The following NT5DC3 variants were observed in gnomAD, a reference collection of about 807,000 sequenced individuals.
The protein encoded by NT5DC3 is 5'-nucleotidase domain-containing protein 3.
NT5DC3 carries 42 observed loss-of-function variants against 67.8 expected under a neutral mutation model. That is an observed-to-expected ratio of 0.62 (90% CI 0.48 to 0.80). NT5DC3 has a LOEUF of 0.80. Among genes scored for constraint, NT5DC3 ranks in the 30% least tolerant of loss-of-function variants. The pLI is 0.00. For missense variants in NT5DC3, 570 were observed against 696.4 expected (o/e 0.82, Z 2.04); for synonymous variants, 237 against 255.6 (o/e 0.93, Z 0.69).
At position 103,773,857 on chromosome 12, in the gene NT5DC3, T is replaced by C. The variant is rs1447687126; in HGVS notation, c.*3972A>G. On this transcript the variant is annotated 3_prime_UTR_variant, in exon 14 of 14. Transcript: ENST00000392876. ...CACAAGACTACTTTTCAATTCTCCT[T>C]TGCAATAATTAAGAGTGCCAATGCA... 1 of 152,662 alleles carries C rather than the reference T, an allele frequency of 6.6e-6. No individual in the cohort carries two copies. Among genetic ancestry groups the C allele is most frequent in the Non-Finnish European group, 1.5e-5 (1 of 68,048 alleles). The allele number at this position is 152,662 out of a possible 1,614,324, so 9.5% of individuals were successfully genotyped here.
chr12:103,797,298 C>T (rs1475761769), intron 5 of NT5DC3, among the ~76,000 whole-genome samples: 1 of 151,948 alleles, frequency 6.6e-6, no homozygotes, highest in Admixed American at 6.6e-5. Flanking sequence ...CGTGAAACCC[C>T]GTCTCTACTA....
intron 1 of NT5DC3, among the ~76,000 whole-genome samples, chr12:103,837,439 A>C (rs1368482935): frequency 2.0e-5 from 3 of 152,210 alleles, no homozygotes; most frequent in Non-Finnish European, 2.9e-5. Flanking sequence ...CTCAAAAAAA[A>C]ATGGGTTTTT....
chr12:103,832,328 A>T (rs951024651), intron 1 of NT5DC3, among the ~76,000 whole-genome samples: 1 of 152,022 alleles, frequency 6.6e-6, no homozygotes, highest in African/African-American at 2.4e-5. Flanking sequence ...GGCCTGTAAA[A>T]ATATAGATTC....
chr12:103,815,472 A>C (rs1198786875), intron 1 of NT5DC3, among the ~76,000 whole-genome samples: 2 of 152,198 alleles, frequency 1.3e-5, no homozygotes, highest in Admixed American at 6.5e-5. Flanking sequence ...ACCAGACTGG[A>C]GTGCAGTGGC....
At chr12:103,755,233 A>T in the NT5DC3 span, 2 of 1,576,458 alleles carry the variant, frequency 1.3e-6, no homozygotes, top group Admixed American at 3.4e-5. Context: ...GGGGAATCAG[A>T]CATTAACCAA....
chr12:103,817,113 G>A (rs1480432337), intron 1 of NT5DC3, among the ~76,000 whole-genome samples: 4 of 151,314 alleles, frequency 2.6e-5, no homozygotes, highest in Admixed American at 6.6e-5. Context: ...GGTGAATGCA[G>A]AGAGAGACAG....
At chr12:103,753,355 T>C in the NT5DC3 span, 5 of 1,614,034 alleles carry the variant, frequency 3.1e-6, no homozygotes, top group Non-Finnish European at 4.2e-6. Context: ...GCCCAGAAGG[T>C]GGGTCTTCAG....
chr12:103,766,554 C>T (rs996924075), downstream of NT5DC3: 5 of 543,666 alleles, frequency 9.2e-6, no homozygotes, highest in Admixed American at 6.5e-5. Context: ...GGCTCTTCTT[C>T]CTTTGTACTC....
intron 1 of NT5DC3, among the ~76,000 whole-genome samples, chr12:103,827,670 A>G (rs1408270557): frequency 6.6e-6 from 1 of 152,232 alleles, no homozygotes; most frequent in Non-Finnish European, 1.5e-5. Flanking sequence ...GTGAAGTGAA[A>G]AAGAGTTACT....
intron 9 of NT5DC3, 61 bp from the exon 10 acceptor site, chr12:103,788,980 A>C (rs1885919335): frequency 1.2e-5 from 13 of 1,107,552 alleles, no homozygotes; most frequent in Non-Finnish European, 1.8e-5. Flanking sequence ...GCTCTATGAA[A>C]TACCAGTTAT....
intron 2 of NT5DC3, among the ~76,000 whole-genome samples, chr12:103,809,251 T>G (rs1886929510): frequency 6.6e-6 from 1 of 152,260 alleles, no homozygotes; most frequent in Admixed American, 6.5e-5. Context: ...TTTAGTTGAT[T>G]GCTGGCACTT....
chr12:103,766,420 A>G, downstream of NT5DC3: 1 of 1,488,148 alleles, frequency 6.7e-7, no homozygotes. Flanking sequence ...GCCTTTTAGG[A>G]ACGTAAAGTC....
At chr12:103,789,564 A>G (rs1885949122) in intron 9 of NT5DC3, among the ~76,000 whole-genome samples, 1 of 152,230 alleles carries the variant, frequency 6.6e-6, no homozygotes, top group Admixed American at 6.5e-5. Context: ...TCTTTCACCC[A>G]GATTTCCCGG....
intron 1 of NT5DC3, among the ~76,000 whole-genome samples, chr12:103,828,343 A>G (rs1264560797): frequency 6.6e-6 from 1 of 152,228 alleles, no homozygotes; most frequent in Non-Finnish European, 1.5e-5. Flanking sequence ...TATGACCTCC[A>G]GAGGCCCCTC....
intron 4 of NT5DC3, among the ~76,000 whole-genome samples, chr12:103,802,718 A>T (rs1886638343): frequency 6.6e-6 from 1 of 152,032 alleles, no homozygotes; most frequent in Non-Finnish European, 1.5e-5. Flanking sequence ...CTGCAAGCTC[A>T]CTCTGTCTGT....
chr12:103,746,648 A>T, the NT5DC3 span: 10 of 1,614,030 alleles, frequency 6.2e-6, no homozygotes, highest in Non-Finnish European at 8.5e-6. Context: ...ACCTGTAAGG[A>T]GAACAACACG....
chr12:103,749,602 G>T, the NT5DC3 span, among the ~76,000 whole-genome samples: 3 of 151,344 alleles, frequency 2.0e-5, no homozygotes, highest in Non-Finnish European at 4.4e-5. Flanking sequence ...GGCCGAGGCA[G>T]ATGGATCACG....
At position 103,841,131 on chromosome 12, in the gene NT5DC3, AC is replaced by A; in HGVS notation, c.25del (p.Val9TrpfsTer45). 1.1e-6 allele frequency: 1 copy of A among 892,530 alleles called. No individual in the cohort carries two copies. The highest frequency in any genetic ancestry group is 1.5e-6 in the Non-Finnish European group (1 of 659,496). The allele number at this position is 892,530 out of a possible 1,614,324, so 55.3% of individuals were successfully genotyped here. MTMAAAAV[V>X]ARGAGARAAT... ...TGCCCTCGCCCCGGCCCCGCGTGCC[AC>A]CACCGCCGCCGCTGCCATGGTCATG... is the stretch of plus-strand genomic sequence containing the variant. On this transcript the variant is annotated frameshift_variant, in exon 1 of 14. Transcript: ENST00000392876. LOFTEE classifies it high-confidence loss of function.
At chr12:103,818,962 C>T (rs1190213824) in intron 1 of NT5DC3, among the ~76,000 whole-genome samples, 1 of 152,192 alleles carries the variant, frequency 6.6e-6, no homozygotes, top group Non-Finnish European at 1.5e-5. Flanking sequence ...CACAAATGAC[C>T]TTTCCAAAGG....
Sources: gnomAD v4.1 joint callset for allele counts (sites outside exome capture counted in the v4.1 genomes callset) on GRCh38, gnomAD v4.1.1 for gene constraint, MANE v1.5 for transcripts, NCBI Gene and HGNC (gene_info 2026-07-23, HGNC 2026-07-21) for gene names.